Variants in PCDHGA1 observed in about 807,000 individuals in gnomAD.
PCDHGA1 encodes the protein protocadherin gamma subfamily A, 1, also known as protocadherin gamma-A1.
Under a neutral mutation model 58.0 loss-of-function variants are expected in PCDHGA1, and 32 were observed. The observed-to-expected ratio is 0.55, with a 90% confidence interval of 0.42 to 0.74. The LOEUF is 0.74. Ranked by LOEUF, PCDHGA1 falls within the 30% of genes least tolerant of loss-of-function variation. The pLI is 0.00. For synonymous variants in PCDHGA1, 498 were observed against 501.1 expected, an observed-to-expected ratio of 0.99 and a Z score of 0.08; for missense variants, 1,205 against 1,182.3, an observed-to-expected ratio of 1.02 and a Z score of -0.28.
intron 1 of PCDHGA1, chr5:141,421,393 G>A: frequency 6.2e-7 from 1 of 1,614,038 alleles, no homozygotes; most frequent in Non-Finnish European, 8.5e-7. Flanking sequence ...CCTGGGGCTG[G>A]AGCCCCGGGA....
At chr5:141,484,660 T>G in intron 1 of PCDHGA1, among the ~76,000 whole-genome samples, 1 of 151,976 alleles carries the variant, frequency 6.6e-6, no homozygotes, top group Non-Finnish European at 1.5e-5. Flanking sequence ...ACTCTCCCTC[T>G]CAGTGGGCCG....
chr5:141,343,950 A>T, intron 1 of PCDHGA1: 1 of 1,294,872 alleles, frequency 7.7e-7, no homozygotes, highest in Non-Finnish European at 1.1e-6. Context: ...CCCGTAAAAG[A>T]CTTCGTTTCT....
chr5:141,484,219 C>T (rs766309865), intron 1 of PCDHGA1, among the ~76,000 whole-genome samples: 1 of 152,162 alleles, frequency 6.6e-6, no homozygotes, highest in Non-Finnish European at 1.5e-5. Context: ...TAGCATTCTG[C>T]CAGGTAAAGA....
At chr5:141,368,270 A>G (rs963622826) in intron 1 of PCDHGA1, among the ~76,000 whole-genome samples, 1 of 152,184 alleles carries the variant, frequency 6.6e-6, no homozygotes, top group Non-Finnish European at 1.5e-5. Flanking sequence ...ACATTAAAGA[A>G]CCTAAGACCA....
intron 1 of PCDHGA1, chr5:141,366,307 GGTCACCGTTGCC>G: frequency 5.6e-6 from 9 of 1,613,748 alleles, no homozygotes; most frequent in Non-Finnish European, 7.6e-6. Flanking sequence ...CCACCTTCAC[GGTCACCGTTGCC>G]GTGGCCGACA....
chr5:141,404,680 G>A (rs2094553624), intron 1 of PCDHGA1: 2 of 1,614,042 alleles, frequency 1.2e-6, no homozygotes, highest in Non-Finnish European at 1.7e-6. Context: ...CTGGTGTGGA[G>A]CTGGCACCCC....
intron 1 of PCDHGA1, among the ~76,000 whole-genome samples, chr5:141,434,021 C>A (rs1023145172): frequency 2.0e-5 from 3 of 152,052 alleles, no homozygotes; most frequent in Admixed American, 2.0e-4. Context: ...TTCTATGATT[C>A]TGGAAGCATG....
At chr5:141,468,346 A>AG (rs2099164784) in intron 1 of PCDHGA1, 33 of 147,324 alleles carry the variant, frequency 2.2e-4, no homozygotes, top group Middle Eastern at 6.9e-3. Flanking sequence ...AAAAAAAAAA[A>AG]AAAGAAAGAA....
At chr5:141,349,476 T>C (rs1013716762) in intron 1 of PCDHGA1, among the ~76,000 whole-genome samples, 3 of 152,206 alleles carry the variant, frequency 2.0e-5, no homozygotes, top group East Asian at 1.9e-4. Context: ...CAACACTAAA[T>C]TGGCCCTTTT....
intron 1 of PCDHGA1, chr5:141,382,957 C>T (rs1350220102): frequency 6.2e-7 from 1 of 1,606,282 alleles, no homozygotes; most frequent in Non-Finnish European, 8.5e-7. Flanking sequence ...CTCCATCCTC[C>T]TGGGGACCCC....
At chr5:141,347,137 CTCTT>C (rs70988799) in intron 1 of PCDHGA1, among the ~76,000 whole-genome samples, 6,376 of 113,734 alleles carry the variant, frequency 0.056, 230 homozygotes, top group East Asian at 0.18. Context: ...CTCTGTTTCT[CTCTT>C]TCTTTCTTTC....
chr5:141,460,537 C>T (rs2098991642), intron 1 of PCDHGA1, among the ~76,000 whole-genome samples: 1 of 152,062 alleles, frequency 6.6e-6, no homozygotes, highest in African/African-American at 2.4e-5. Context: ...ATAATCTTAG[C>T]ACCTTAATCA....
At chr5:141,375,110 A>C in intron 1 of PCDHGA1, 1 of 1,613,972 alleles carries the variant, frequency 6.2e-7, no homozygotes, top group Non-Finnish European at 8.5e-7. Flanking sequence ...TGTCAATGAT[A>C]ATGTACCAGA....
At position 141,485,326 on chromosome 5, in the gene PCDHGA1, T is replaced by C. The variant is rs2154580391; in HGVS notation, c.2422-9481T>C. On this transcript the variant is annotated intron_variant, in intron 1 of 3. Coordinates refer to ENST00000517417, the MANE Select transcript of PCDHGA1 (RefSeq NM_018912.3). This position sits in a 1 kb window ranked among gnomAD's most constrained non-coding sequence, Gnocchi z 5.7. ...CTTTTGTAGGGAATGTCGCTCAAGATTTCCTGCTGGATACGGACAGTCTGT... is the reference window on the plus strand; with the variant it reads ...CTTTTGTAGGGAATGTCGCTCAAGACTTCCTGCTGGATACGGACAGTCTGT... 1 of 1,614,106 alleles carries C rather than the reference T, an allele frequency of 6.2e-7. No homozygotes were observed. The highest frequency in any genetic ancestry group is 1.7e-5 in the Admixed American group (1 of 60,028).
chr5:141,387,736 A>C, intron 1 of PCDHGA1: 3 of 1,307,572 alleles, frequency 2.3e-6, no homozygotes, highest in East Asian at 2.5e-5. Flanking sequence ...GCCAGCCTTT[A>C]CACCGCTTCC....
At chr5:141,452,076 G>A (rs978382005) in intron 1 of PCDHGA1, among the ~76,000 whole-genome samples, 3 of 152,092 alleles carry the variant, frequency 2.0e-5, no homozygotes, top group Non-Finnish European at 2.9e-5. Flanking sequence ...TTATTAGTTG[G>A]CATTATACAG....
At position 141,330,994 on chromosome 5, in the gene PCDHGA1, G is replaced by C. The variant is rs1436026310; in HGVS notation, c.310G>C (p.Val104Leu). 3 of 1,614,212 alleles carry C rather than the reference G, an allele frequency of 1.9e-6. No individual in the cohort carries two copies. The highest frequency in any genetic ancestry group is 2.5e-6 in the Non-Finnish European group (3 of 1,180,050). The change falls in exon 1 of 4, where the codon GTG becomes CTG. Residue 104 changes from valine (V) to leucine (L), a missense_variant. By Grantham distance (32) the Val-to-Leu change is conservative. Transcript: ENST00000517417. ...ELCAQSMPCL[V>L]SFNILVEDKM... is the part of the protein sequence containing the mutation. ...CTGCGCTCAGAGCATGCCGTGTCTC[G>C]TGAGTTTTAATATCCTTGTTGAGGA...
intron 1 of PCDHGA1, chr5:141,344,139 T>G: frequency 1.2e-6 from 2 of 1,613,980 alleles, no homozygotes; most frequent in Non-Finnish European, 1.7e-6. Context: ...CTACTCGGTG[T>G]CTGAGGAGCT....
chr5:141,371,934 G>A (rs1024560538), intron 1 of PCDHGA1: 3 of 1,613,324 alleles, frequency 1.9e-6, no homozygotes, highest in Admixed American at 3.3e-5. Context: ...GAGCGGGGTG[G>A]TGTTCGCGCA....
Sources: gnomAD v4.1 joint callset for allele counts (sites outside exome capture counted in the v4.1 genomes callset) on GRCh38, gnomAD v4.1.1 for gene constraint, Gnocchi (gnomAD v3.1) non-coding constraint, MANE v1.5 for transcripts, NCBI Gene and HGNC (gene_info 2026-07-23, HGNC 2026-07-21) for gene names.